Variants in PKN2 observed in about 807,000 individuals in gnomAD.
The protein encoded by PKN2 is protein kinase N2.
PKN2 carries 38 observed loss-of-function variants against 119.1 expected under a neutral mutation model. The observed-to-expected ratio is 0.32, with a 90% CI of 0.25 to 0.42. The LOEUF (loss-of-function observed/expected upper bound fraction) is 0.42, where lower values mean the gene tolerates loss of function less well. PKN2 is among the 10% of genes least tolerant of loss of function. The pLI is 1.00. For synonymous variants in PKN2, 390 were observed against 384.9 expected, an observed-to-expected ratio of 1.01 and a Z score of -0.15; for missense variants, 850 against 1,165.1, an observed-to-expected ratio of 0.73 and a Z score of 3.94.
At chr1:88,750,326 TC>T (rs1668937413) in intron 2 of PKN2, among the ~76,000 whole-genome samples, 1 of 152,144 alleles carries the variant, frequency 6.6e-6, no homozygotes, top group Non-Finnish European at 1.5e-5. Flanking sequence ...TAGTCAGAAG[TC>T]CTCTAAGAAG....
At chr1:88,724,678 TCTC>T (rs139003461) in intron 1 of PKN2, among the ~76,000 whole-genome samples, 8,482 of 148,794 alleles carry the variant, frequency 0.057, 461 homozygotes, top group African/African-American at 0.15. Context: ...TTCAAGCAAT[TCTC>T]CTGCCCCAGC....
At chr1:88,747,105 G>A (rs536707655) in intron 2 of PKN2, among the ~76,000 whole-genome samples, 1 of 152,262 alleles carries the variant, frequency 6.6e-6, no homozygotes, top group Admixed American at 6.5e-5. Flanking sequence ...ACTGGGGAGG[G>A]GGAGGATGGG....
chr1:88,805,022 T>A, intron 10 of PKN2, 101 bp downstream of exon 10: 1 of 597,812 alleles, frequency 1.7e-6, no homozygotes, highest in Non-Finnish European at 3.0e-6. Flanking sequence ...TTTTTGTTGT[T>A]GTTTATTCAT....
chr1:88,796,557 T>G (rs1214013536), intron 8 of PKN2, among the ~76,000 whole-genome samples: 1 of 152,200 alleles, frequency 6.6e-6, no homozygotes, highest in Non-Finnish European at 1.5e-5. Flanking sequence ...TTCCTTACCT[T>G]TGTATGTTTT....
chr1:88,722,923 AG>A (rs1667742507), intron 1 of PKN2, among the ~76,000 whole-genome samples: 1 of 152,120 alleles, frequency 6.6e-6, no homozygotes, highest in Non-Finnish European at 1.5e-5. Flanking sequence ...AAATAAATAA[AG>A]GTGTGATGAG....
chr1:88,686,955 T>G (rs1477638151), intron 1 of PKN2, among the ~76,000 whole-genome samples: 1 of 152,172 alleles, frequency 6.6e-6, no homozygotes, highest in Non-Finnish European at 1.5e-5. Context: ...AGTTTTAAGA[T>G]GTATTTAATG....
intron 1 of PKN2, among the ~76,000 whole-genome samples, chr1:88,724,600 C>A (rs1376938001): frequency 6.8e-6 from 1 of 146,620 alleles, no homozygotes; most frequent in Non-Finnish European, 1.5e-5. Context: ...GAGACGGAGT[C>A]TTGCTCTGTC....
chr1:88,825,986 C>G (rs959643917), intron 18 of PKN2, among the ~76,000 whole-genome samples: 6 of 152,318 alleles, frequency 3.9e-5, no homozygotes, highest in Middle Eastern at 3.4e-3. Context: ...TCTGCTCATC[C>G]TTGTCATTCA....
At chr1:88,689,663 T>G (rs1666251006) in intron 1 of PKN2, among the ~76,000 whole-genome samples, 1 of 152,010 alleles carries the variant, frequency 6.6e-6, no homozygotes, top group Non-Finnish European at 1.5e-5. Context: ...ATACAAAAAT[T>G]AGCCAGGTGT....
chr1:88,684,467 G>GTT lies in PKN2; in HGVS notation c.-102_-101dup, dbSNP rs553554095. ...GCTGCGCCTCCATGAATCCCTAGTT[G>GTT]TTTTTTTTTTTTTCTTTCTCTCCCC... is the stretch of plus-strand genomic sequence containing the variant. On this transcript the variant is annotated 5_prime_UTR_variant, in exon 1 of 22. Coordinates refer to ENST00000370521, the MANE Select transcript of PKN2 (RefSeq NM_006256.4). 1.4e-3 allele frequency: 896 copies of GTT among 651,244 alleles called. No individual in the cohort carries two copies. The highest frequency in any genetic ancestry group is 2.6e-3 in the South Asian group (126 of 48,144). 40.3% of individuals were successfully genotyped at this position (651,244 alleles called of 1,614,324 possible). A position where few individuals can be genotyped will look rare whatever the true frequency, so the allele number is the denominator to read the frequency against.
At chr1:88,802,791 T>G (rs1671373527) in intron 8 of PKN2, among the ~76,000 whole-genome samples, 2 of 152,212 alleles carry the variant, frequency 1.3e-5, no homozygotes. Context: ...AGTGTAAAAG[T>G]GTAATAAGAA....
intron 16 of PKN2, among the ~76,000 whole-genome samples, chr1:88,820,219 TATATATATATATATAAATAGAA>T (rs1272402374): frequency 1.2e-4 from 7 of 57,478 alleles, no homozygotes; most frequent in African/African-American, 5.1e-4. Context: ...TATATATATA[TATATATATATATATAAATAGAA>T]AAAAATAAAA....
chr1:88,832,895 A>T, intron 20 of PKN2, 44 bp downstream of exon 20: 1 of 1,285,608 alleles, frequency 7.8e-7, no homozygotes, highest in Non-Finnish European at 1.1e-6. Context: ...AGACTACTTT[A>T]ATTTTTTATA....
chr1:88,733,481 C>CT (rs1668224981), intron 1 of PKN2, among the ~76,000 whole-genome samples: 1 of 151,922 alleles, frequency 6.6e-6, no homozygotes, highest in Non-Finnish European at 1.5e-5. Context: ...TTTGTATGTT[C>CT]TTTTTTTGGA....
chr1:88,695,654 C>T (rs529128964), intron 1 of PKN2, among the ~76,000 whole-genome samples: 1 of 152,204 alleles, frequency 6.6e-6, no homozygotes, highest in African/African-American at 2.4e-5. Context: ...CTTGTCTTTA[C>T]TTTCAGATTT....
chr1:88,688,916 A>C (rs6684507), intron 1 of PKN2, among the ~76,000 whole-genome samples: 8,572 of 152,280 alleles, frequency 0.056, 436 homozygotes, highest in African/African-American at 0.14. Flanking sequence ...GTTTTCTTTA[A>C]TTTACATTTC....
At chr1:88,725,976 T>C (rs1667883065) in intron 1 of PKN2, among the ~76,000 whole-genome samples, 1 of 152,224 alleles carries the variant, frequency 6.6e-6, no homozygotes, top group South Asian at 2.1e-4. Context: ...GTAACTGGTA[T>C]TGTGTTTTTA....
At chr1:88,816,233 A>G (rs996544591) in intron 16 of PKN2, among the ~76,000 whole-genome samples, 2 of 152,106 alleles carry the variant, frequency 1.3e-5, no homozygotes, top group African/African-American at 2.4e-5. Context: ...ATGTTTAACT[A>G]TCTTAAGCAA....
At chr1:88,726,249 C>G (rs1364885659) in intron 1 of PKN2, among the ~76,000 whole-genome samples, 1 of 152,104 alleles carries the variant, frequency 6.6e-6, no homozygotes, top group African/African-American at 2.4e-5. Flanking sequence ...ACATCCTTGT[C>G]CTAATGCCGA....
Sources: allele counts gnomAD v4.1 joint callset (sites outside exome capture counted in the v4.1 genomes callset), GRCh38; gene constraint gnomAD v4.1.1; transcripts MANE v1.5; gene names NCBI Gene and HGNC (gene_info 2026-07-23, HGNC 2026-07-21).